STXBP6: variants seen among roughly 807,000 people sequenced by gnomAD.
STXBP6 encodes syntaxin binding protein 6.
STXBP6 carries 21 observed loss-of-function variants against 26.9 expected under a neutral mutation model. That is an observed-to-expected ratio of 0.78 (90% CI 0.55 to 1.12). The LOEUF is 1.12. Among genes scored for constraint, STXBP6 ranks in the 50% most tolerant of loss-of-function variants. The probability of loss-of-function intolerance (pLI) is 0.00; values close to 1 mark genes in which losing one functional copy is unlikely to be tolerated. For synonymous variants in STXBP6, 97 were observed against 92.6 expected, an observed-to-expected ratio of 1.05 and a Z score of -0.27; for missense variants, 232 against 257.9, an observed-to-expected ratio of 0.90 and a Z score of 0.69.
chr14:24,857,092 A>G lies in STXBP6; in HGVS notation c.220T>C (p.Phe74Leu). The change falls in exon 3 of 6, where the codon TTT (phenylalanine) becomes CTT (leucine). Residue 74 changes from phenylalanine (F) to leucine (L), a missense_variant. Physicochemically the swap from Phe to Leu is conservative, Grantham distance 22 (BLOSUM62 0). Coordinates refer to ENST00000323944, the MANE Select transcript of STXBP6 (RefSeq NM_001394410.1). ...KVKQFEGSTS[F>L]VRRSQWMLEQ... is the part of the protein sequence containing the mutation. Reference sequence around the variant, plus strand: ...AGCATCCACTGTGATCTCCGAACAAATGATGTGGAGCCTTCAAACTGTTTG... The same window carrying G: ...AGCATCCACTGTGATCTCCGAACAAGTGATGTGGAGCCTTCAAACTGTTTG... The G allele has an allele frequency of 1.2e-6, 2 of 1,613,018 alleles. No homozygotes were observed. Among genetic ancestry groups the G allele is most frequent in the Middle Eastern group, 1.7e-4 (1 of 6,048 alleles).
Position 25,020,595 on chromosome 14 carries a change from C to T in STXBP6, c.-33+29283G>A, listed in dbSNP as rs576095360. On this transcript the variant is annotated intron_variant, in intron 1 of 5. Transcript: ENST00000323944. Reference sequence around the variant, plus strand: ...TGTCTCTGAATGTCCTCACATTCAACGACATTCTCTTCCACTCCACCTGAG... The same window carrying T: ...TGTCTCTGAATGTCCTCACATTCAATGACATTCTCTTCCACTCCACCTGAG... Among the ~76,000 whole-genome samples the T allele has an allele frequency of 2.6e-5, 4 of 152,196 alleles. No individual in the cohort carries two copies. The South Asian group carries it at 8.3e-4, about 32-fold the overall frequency.
At chr14:24,957,821 C>T (rs764894658) in intron 2 of STXBP6, among the ~76,000 whole-genome samples, 1 of 152,200 alleles carries the variant, frequency 6.6e-6, no homozygotes, top group Non-Finnish European at 1.5e-5. Context: ...GATTCAAGTC[C>T]ATGTTTTTAC....
At chr14:24,909,885 A>T (rs1368113449) in intron 2 of STXBP6, among the ~76,000 whole-genome samples, 1 of 151,516 alleles carries the variant, frequency 6.6e-6, no homozygotes, top group Non-Finnish European at 1.5e-5. Context: ...TCCGGAATCT[A>T]GGAGATATGC....
At chr14:24,924,600 C>T (rs1261083859) in intron 2 of STXBP6, among the ~76,000 whole-genome samples, 1 of 151,972 alleles carries the variant, frequency 6.6e-6, no homozygotes, top group African/African-American at 2.4e-5. Context: ...CGTTTGGTGC[C>T]CATTTGGTGT....
chr14:24,849,985 G>A (rs555242399), intron 4 of STXBP6, among the ~76,000 whole-genome samples: 2 of 152,018 alleles, frequency 1.3e-5, no homozygotes, highest in South Asian at 4.1e-4. Flanking sequence ...ACACTCCAAA[G>A]TCTTTATTCA....
intron 2 of STXBP6, among the ~76,000 whole-genome samples, chr14:24,947,220 C>T (rs1270798507): frequency 1.6e-5 from 1 of 61,936 alleles, no homozygotes; most frequent in Non-Finnish European, 3.6e-5. Context: ...GAAGGGAAAG[C>T]AAAATAATTC....
intron 1 of STXBP6, among the ~76,000 whole-genome samples, chr14:25,042,402 C>G (rs1238872964): frequency 6.6e-6 from 1 of 152,138 alleles, no homozygotes; most frequent in Non-Finnish European, 1.5e-5. Context: ...GTGGGAGAAT[C>G]CCAGTCATGT....
At chr14:25,007,903 TA>T (rs2074939314) in intron 1 of STXBP6, among the ~76,000 whole-genome samples, 1 of 152,128 alleles carries the variant, frequency 6.6e-6, no homozygotes, top group Non-Finnish European at 1.5e-5. Context: ...AGTCTCCAAA[TA>T]AACTGAGAAT....
chr14:24,950,746 T>A (rs762157981), intron 2 of STXBP6, among the ~76,000 whole-genome samples: 38 of 152,290 alleles, frequency 2.5e-4, no homozygotes, highest in Non-Finnish European at 3.2e-4. Flanking sequence ...ATTTAAAAAA[T>A]TTTTTTAAAG....
chr14:24,813,079 G>C (rs187708918), intron 5 of STXBP6, among the ~76,000 whole-genome samples: 11 of 152,208 alleles, frequency 7.2e-5, no homozygotes, highest in Non-Finnish European at 1.3e-4. Context: ...AATAGCTGGG[G>C]TTCCCAGCTA....
intron 2 of STXBP6, among the ~76,000 whole-genome samples, chr14:24,889,343 G>A (rs1242033293): frequency 8.3e-6 from 1 of 120,274 alleles, no homozygotes; most frequent in African/African-American, 3.2e-5. Context: ...ACAGAAGATG[G>A]TCTATTCATA....
chr14:24,997,572 T>G (rs1450746657), intron 1 of STXBP6, among the ~76,000 whole-genome samples: 1 of 152,248 alleles, frequency 6.6e-6, no homozygotes, highest in Non-Finnish European at 1.5e-5. Context: ...AGTCTTATCA[T>G]GCACCTTTGT....
intron 1 of STXBP6, among the ~76,000 whole-genome samples, chr14:24,992,111 CAGCACCT>C (rs1354372870): frequency 6.6e-6 from 1 of 152,170 alleles, no homozygotes; most frequent in Non-Finnish European, 1.5e-5. Flanking sequence ...GAAGAAACCC[CAGCACCT>C]AGCACAATAG....
intron 2 of STXBP6, among the ~76,000 whole-genome samples, chr14:24,950,859 A>G (rs2073145148): frequency 6.6e-6 from 1 of 152,154 alleles, no homozygotes; most frequent in Non-Finnish European, 1.5e-5. Flanking sequence ...CGTCGCCTAC[A>G]TTAGGTATTT....
intron 1 of STXBP6, among the ~76,000 whole-genome samples, chr14:25,047,349 G>C (rs1447619869): frequency 3.3e-5 from 5 of 152,166 alleles, no homozygotes. Context: ...ATTAAACCTA[G>C]ATAATGGTAA....
intron 2 of STXBP6, among the ~76,000 whole-genome samples, chr14:24,894,277 G>A (rs926094170): frequency 2.6e-5 from 4 of 152,178 alleles, no homozygotes; most frequent in Non-Finnish European, 4.4e-5. Context: ...TGAGGACTTA[G>A]GGACTCTCTT....
rs1043891420 is a variant in STXBP6, at chr14:24,861,595, C to T, written c.155-4438G>A. ...ACAAATATCAGGTCTGAGGCTGCTG[C>T]GCCAGCAATTCTATCAGCCAAGATG... On this transcript the variant is annotated intron_variant, in intron 2 of 5. Transcript: ENST00000323944. 3.9e-5 allele frequency among the ~76,000 whole-genome samples: 6 copies of T among 152,166 alleles called. No homozygotes were observed. In the East Asian group the frequency reaches 7.7e-4, roughly 20 times the overall value.
intron 2 of STXBP6, among the ~76,000 whole-genome samples, chr14:24,892,757 A>T (rs567928312): frequency 6.6e-6 from 1 of 152,158 alleles, no homozygotes; most frequent in Non-Finnish European, 1.5e-5. Context: ...GCAGACCATG[A>T]GAGCTGCAAT....
chr14:24,964,020 A>G (rs2073641857), intron 2 of STXBP6, among the ~76,000 whole-genome samples: 1 of 151,554 alleles, frequency 6.6e-6, no homozygotes, highest in South Asian at 2.1e-4. Flanking sequence ...AGCCACTATA[A>G]TCCAGAGTGA....
Sources: allele counts gnomAD v4.1 joint callset (sites outside exome capture counted in the v4.1 genomes callset), GRCh38; gene constraint gnomAD v4.1.1; transcripts MANE v1.5; gene names NCBI Gene and HGNC (gene_info 2026-07-23, HGNC 2026-07-21).